OXSM: variants seen among roughly 807,000 people sequenced by gnomAD.
OXSM encodes 3-oxoacyl-ACP synthase, mitochondrial.
A neutral mutation model predicts 29.2 loss-of-function variants in OXSM; 19 were observed. That is an observed-to-expected ratio of 0.65 (90% CI 0.45 to 0.96). The LOEUF is 0.96. OXSM is among the 40% of genes least tolerant of loss of function. OXSM has a pLI of 0.00. For missense variants in OXSM, 554 were observed against 551.3 expected (o/e 1.00, Z -0.05); for synonymous variants, 178 against 197.1 (o/e 0.90, Z 0.81).
chr3:25,790,245 G>T (rs531419952), intron 1 of OXSM, 98 bp downstream of exon 1: 6 of 378,402 alleles, frequency 1.6e-5, no homozygotes, highest in African/African-American at 6.1e-5. Flanking sequence ...AGGACCTGGG[G>T]CCTGATTTCT....
rs535960613 is a variant in OXSM at position 25,791,778 on chromosome 3, C to T, written c.758C>T (p.Ala253Val). The T allele has an allele frequency of 6.2e-7, 1 of 1,613,944 alleles. No homozygotes were observed. Among genetic ancestry groups the T allele is most frequent in the South Asian group, 1.1e-5 (1 of 91,080 alleles). Reference protein sequence around the residue: ...LSLAGFSRARALSTNSDPKLA... With the variant: ...LSLAGFSRARVLSTNSDPKLA... ...CTTGCTGGGTTTTCCAGAGCCCGGG[C>T]TCTGAGCACAAACTCAGATCCCAAG... Residue 253 changes from alanine to valine, a missense_variant, in exon 2 of 3, where the codon GCT becomes GTT. Coordinates refer to ENST00000280701, the MANE Select transcript of OXSM (RefSeq NM_017897.3).
chr3:25,790,724 T>A (rs947990256), intron 1 of OXSM: 5 of 295,082 alleles, frequency 1.7e-5, no homozygotes, highest in African/African-American at 1.1e-4. Context: ...CTTTATATTT[T>A]TCATTGAATT....
intron 1 of OXSM, 117 bp downstream of exon 1, chr3:25,790,264 C>A: frequency 3.0e-6 from 1 of 335,804 alleles, no homozygotes; most frequent in Non-Finnish European, 5.6e-6. Context: ...CTTTTTCTCT[C>A]GCCATGCTTC....
In OXSM at chr3:25,794,456, G is replaced by C. The variant is rs1708835049; in HGVS notation, c.1342G>C (p.Gly448Arg). 6.2e-7 allele frequency: 1 copy of C among 1,613,344 alleles called. No individual in the cohort carries two copies. The highest frequency in any genetic ancestry group is 8.5e-7 in the Non-Finnish European group (1 of 1,179,468). ...FIGLTNSFGF[G>R]GTNATLCIAG... ...TGGCCTCACCAATTCCTTTGGTTTT[G>C]GTGGTACTAATGCAACACTTTGTAT... The change falls in exon 3 of 3, where the codon GGT becomes CGT. Residue 448 changes from glycine (G) to arginine (R), a missense_variant. Gly to Arg is a moderately radical substitution (Grantham distance 125). Transcript: ENST00000280701.
chr3:25,793,046 A>G (rs1708796301), intron 2 of OXSM, among the ~76,000 whole-genome samples: 1 of 152,140 alleles, frequency 6.6e-6, no homozygotes, highest in Non-Finnish European at 1.5e-5. Context: ...CAATGAAACT[A>G]TTTACAAAAA....
In OXSM at chr3:25,790,977, TGGTC is replaced by T; in HGVS notation, c.-31-12_-31-9del. 1 of 1,573,188 alleles carries T rather than the reference TGGTC, an allele frequency of 6.4e-7. No homozygotes were observed. Among genetic ancestry groups the T allele is most frequent in the South Asian group, 1.2e-5 (1 of 84,046 alleles). ...AAAAGAATACCTCCTAGGTGTGTTG[TGGTC>T]TTTTACAGGAATGTGTTTCTGATCA... On this transcript the variant is annotated splice_polypyrimidine_tract_variant and intron_variant, in intron 1 of 2. Transcript: ENST00000280701.
Position 25,791,692 on chromosome 3 carries a change from C to T in OXSM, c.672C>T (p.Ala224=). The T allele has an allele frequency of 6.2e-7, 1 of 1,614,022 alleles. No homozygotes were observed. The highest frequency in any genetic ancestry group is 2.2e-5 in the East Asian group (1 of 44,886). The change falls in exon 2 of 3, where the codon GCC becomes GCT. Residue 224 remains alanine (A), a synonymous_variant. Transcript: ENST00000280701. The stretch of plus-strand genomic sequence containing the variant: ...TGGGAGACTCATTTAGATTTATAGC[C>T]CATGGTGATGCTGATGTGATGGTGG... The part of the protein sequence containing the change: ...HAVGDSFRFI[A]HGDADVMVAG...
rs1477726228 is a variant in OXSM at position 25,790,137 on chromosome 3, C to A, written c.-42C>A. 7.8e-6 allele frequency: 4 copies of A among 511,866 alleles called. No homozygotes were observed. The East Asian group carries it at 1.3e-4, about 16-fold the overall frequency. The allele number at this position is 511,866 out of a possible 1,614,324, so 31.7% of individuals were successfully genotyped here. ...GACTGTGGAGAAGTGTCCGGGGTAG[C>A]CCCGTTACAGGTATCGCTGGCTACC... On this transcript the variant is annotated 5_prime_UTR_variant, in exon 1 of 3. Coordinates refer to ENST00000280701, the MANE Select transcript of OXSM (RefSeq NM_017897.3).
At position 25,791,697 on chromosome 3, in the gene OXSM, G is replaced by A; in HGVS notation, c.677G>A (p.Gly226Asp). The A allele has an allele frequency of 6.2e-7, 1 of 1,614,164 alleles. No individual in the cohort carries two copies. The highest frequency in any genetic ancestry group is 8.5e-7 in the Non-Finnish European group (1 of 1,180,028). The change falls in exon 2 of 3, where the codon GGT (glycine) becomes GAT (aspartate). Residue 226 changes from glycine to aspartate, a missense_variant. Physicochemically the swap from Gly to Asp is moderately conservative, Grantham distance 94. Transcript: ENST00000280701. ...VGDSFRFIAHGDADVMVAGGT... is the reference protein window; with the variant it reads ...VGDSFRFIAHDDADVMVAGGT... The stretch of plus-strand genomic sequence containing the variant: ...GACTCATTTAGATTTATAGCCCATG[G>A]TGATGCTGATGTGATGGTGGCTGGA...
At chr3:25,792,572 G>C (rs1427058965) in intron 2 of OXSM, among the ~76,000 whole-genome samples, 2 of 151,948 alleles carry the variant, frequency 1.3e-5, no homozygotes, top group Non-Finnish European at 2.9e-5. Flanking sequence ...TAACTCCTGG[G>C]CTCAAGCAAT....
rs376430364 is a variant in OXSM, at chr3:25,791,690, G to A, written c.670G>A (p.Ala224Thr). 2 of 1,613,960 alleles carry A rather than the reference G, an allele frequency of 1.2e-6. No individual in the cohort carries two copies. Among genetic ancestry groups the A allele is most frequent in the African/African-American group, 1.3e-5 (1 of 74,894 alleles). Residue 224 changes from alanine (A) to threonine (T), a missense_variant, in exon 2 of 3, where the codon GCC (alanine) becomes ACC (threonine). By Grantham distance (58) the Ala-to-Thr change is moderately conservative (BLOSUM62 0). Transcript: ENST00000280701. ...TGTGGGAGACTCATTTAGATTTATA[G>A]CCCATGGTGATGCTGATGTGATGGT... is the stretch of plus-strand genomic sequence containing the variant. ...HAVGDSFRFIAHGDADVMVAG... is the reference protein window; with the variant it reads ...HAVGDSFRFITHGDADVMVAG...
chr3:25,790,212 T>C, intron 1 of OXSM, 65 bp downstream of exon 1: 2 of 421,390 alleles, frequency 4.7e-6, no homozygotes, highest in Non-Finnish European at 8.6e-6. Context: ...CAAGTCGGGG[T>C]TGAATTTCGA....
At chr3:25,793,957 C>A in intron 2 of OXSM, 135 bp from the exon 3 acceptor site, 1 of 712,378 alleles carries the variant, frequency 1.4e-6, no homozygotes, top group Admixed American at 3.0e-5. Flanking sequence ...GATAGTGTTC[C>A]GTTACTAGAG....
chr3:25,794,154 C>T lies in OXSM; in HGVS notation c.1040C>T (p.Ala347Val). ...CCTGAGGAGATATCCTATATCAATG[C>T]ACATGCTACTTCCACACCATTGGGA... is the stretch of plus-strand genomic sequence containing the variant. Reference protein sequence around the residue: ...VQPEEISYINAHATSTPLGDA... With the variant: ...VQPEEISYINVHATSTPLGDA... The change falls in exon 3 of 3, where the codon GCA becomes GTA. Residue 347 changes from alanine to valine, a missense_variant. Transcript: ENST00000280701. 6.2e-7 allele frequency: 1 copy of T among 1,614,138 alleles called. No individual in the cohort carries two copies. The highest frequency in any genetic ancestry group is 1.3e-5 in the African/African-American group (1 of 75,064).
chr3:25,790,199 A>C (rs1437329094), intron 1 of OXSM, 52 bp downstream of exon 1: 7 of 437,340 alleles, frequency 1.6e-5, no homozygotes, highest in Non-Finnish European at 2.9e-5. Context: ...TTTACATTCA[A>C]ATCAAGTCGG....
In OXSM at chr3:25,790,692, G is replaced by C. The variant is rs544901148; in HGVS notation, c.-31-298G>C. On this transcript the variant is annotated intron_variant, in intron 1 of 2. Transcript: ENST00000280701. ...ATCCTGACAAAGGATGCTTCCTGCAGCTCAAATCAGGCTGGAGGTGCCTTT... is the reference window on the plus strand; with the variant it reads ...ATCCTGACAAAGGATGCTTCCTGCACCTCAAATCAGGCTGGAGGTGCCTTT... 54 of 237,832 alleles carry C rather than the reference G, an allele frequency of 2.3e-4. 1 individual carries two copies. The highest frequency in any genetic ancestry group is 3.4e-4 in the South Asian group (4 of 11,636). 14.7% of individuals were successfully genotyped at this position (237,832 alleles called of 1,614,324 possible). A position where few individuals can be genotyped will look rare whatever the true frequency, so the allele number is the denominator to read the frequency against.
In OXSM at chr3:25,791,843, G is replaced by A. The variant is rs778138464; in HGVS notation, c.823G>A (p.Val275Ile). 1.2e-6 allele frequency: 2 copies of A among 1,614,008 alleles called. No individual in the cohort carries two copies. Among genetic ancestry groups the A allele is most frequent in the South Asian group, 1.1e-5 (1 of 91,084 alleles). ...ATTTCATCCAAAGAGAGATGGTTTT[G>A]TAATGGGAGAAGGTGCAGCTGTGCT... Reference protein sequence around the residue: ...RPFHPKRDGFVMGEGAAVLVL... With the variant: ...RPFHPKRDGFIMGEGAAVLVL... The change falls in exon 2 of 3, where the codon GTA becomes ATA. Residue 275 changes from valine to isoleucine, a missense_variant. By Grantham distance (29) the Val-to-Ile change is conservative. Coordinates refer to ENST00000280701, the MANE Select transcript of OXSM (RefSeq NM_017897.3).
chr3:25,792,190 C>CA, intron 2 of OXSM, among the ~76,000 whole-genome samples, 193 bp downstream of exon 2: 1 of 152,228 alleles, frequency 6.6e-6, no homozygotes, highest in Non-Finnish European at 1.5e-5. Flanking sequence ...AACATACTTA[C>CA]AAAAATTGCA....
Position 25,791,042 on chromosome 3 carries a change from T to A in OXSM, c.22T>A (p.Phe8Ile). The A allele has an allele frequency of 6.2e-7, 1 of 1,611,668 alleles. No homozygotes were observed. Reference protein sequence around the residue: MSNCLQNFLKITSTRLLC... With the variant: MSNCLQNILKITSTRLLC... Reference sequence around the variant, plus strand: ...AATCATGTCCAACTGCCTGCAAAATTTCCTGAAAATTACAAGCACTCGTCT... The same window carrying A: ...AATCATGTCCAACTGCCTGCAAAATATCCTGAAAATTACAAGCACTCGTCT... Residue 8 changes from phenylalanine (F) to isoleucine (I), a missense_variant, in exon 2 of 3, where the codon TTC becomes ATC. Transcript: ENST00000280701.
Sources: allele counts gnomAD v4.1 joint callset (sites outside exome capture counted in the v4.1 genomes callset), GRCh38; gene constraint gnomAD v4.1.1; transcripts MANE v1.5; gene names NCBI Gene and HGNC (gene_info 2026-07-23, HGNC 2026-07-21).